MAGI3: variants seen among roughly 807,000 people sequenced by gnomAD.
The protein encoded by MAGI3 is membrane-associated guanylate kinase, WW and PDZ domain-containing protein 3.
A neutral mutation model predicts 121.8 loss-of-function variants in MAGI3; 43 were observed. The ratio of observed to expected loss-of-function variants is 0.35; its 90% CI spans 0.28 to 0.46. The LOEUF (loss-of-function observed/expected upper bound fraction) is 0.46. MAGI3 is among the 20% of genes least tolerant of loss of function. The pLI is 1.00. For missense variants in MAGI3, 1,547 were observed against 1,797.3 expected, an observed-to-expected ratio of 0.86 and a Z score of 2.52; for synonymous variants, 553 against 639.3, an observed-to-expected ratio of 0.86 and a Z score of 2.04.
chr1:113,615,864 AAAGG>A, intron 7 of MAGI3, among the ~76,000 whole-genome samples: 1 of 152,300 alleles, frequency 6.6e-6, no homozygotes, highest in Non-Finnish European at 1.5e-5. Flanking sequence ...TTATTTTGTT[AAAGG>A]AAGAAACAAC....
intron 1 of MAGI3, among the ~76,000 whole-genome samples, chr1:113,461,774 G>T (rs1232270228): frequency 6.6e-6 from 1 of 152,112 alleles, no homozygotes; most frequent in East Asian, 1.9e-4. Context: ...ACTATCAACA[G>T]AATAAACAGC....
chr1:113,401,585 A>G (rs1195955771), intron 1 of MAGI3, among the ~76,000 whole-genome samples: 1 of 152,222 alleles, frequency 6.6e-6, no homozygotes, highest in Non-Finnish European at 1.5e-5. Flanking sequence ...GGATAAATAT[A>G]CTTGGGAAAA....
At chr1:113,552,222 T>A (rs1659816319) in intron 2 of MAGI3, among the ~76,000 whole-genome samples, 1 of 152,200 alleles carries the variant, frequency 6.6e-6, no homozygotes, top group Non-Finnish European at 1.5e-5. Context: ...TTTTCACTAA[T>A]TGTAGTTGTC....
At chr1:113,440,499 C>A (rs1207658061) in intron 1 of MAGI3, among the ~76,000 whole-genome samples, 1 of 152,110 alleles carries the variant, frequency 6.6e-6, no homozygotes, top group Non-Finnish European at 1.5e-5. Flanking sequence ...AAAACCCTTT[C>A]CAGATGTTTC....
chr1:113,496,578 CTTGT>C (rs994018344), intron 1 of MAGI3, among the ~76,000 whole-genome samples: 31 of 152,166 alleles, frequency 2.0e-4, no homozygotes, highest in Admixed American at 5.2e-4. Context: ...TAATCAGTTT[CTTGT>C]TTGTTTATCT....
intron 8 of MAGI3, among the ~76,000 whole-genome samples, chr1:113,621,275 G>A (rs939777695): frequency 2.0e-5 from 3 of 152,174 alleles, no homozygotes; most frequent in Admixed American, 6.5e-5. Context: ...AGTAACAAGC[G>A]ATGAGGTTGT....
In MAGI3 at chr1:113,559,509, G is replaced by A. The variant is rs572477344; in HGVS notation, c.433+9878G>A. 9.2e-5 allele frequency among the ~76,000 whole-genome samples: 14 copies of A among 152,118 alleles called. No homozygotes were observed. The East Asian group carries it at 2.5e-3, about 27-fold the overall frequency. ...TAAAGGGTTCAATTCAACAATAAGA[G>A]CCAACTACCCTAAATATATATGCTC... On this transcript the variant is annotated intron_variant, in intron 2 of 20. Transcript: ENST00000307546.
intron 1 of MAGI3, among the ~76,000 whole-genome samples, chr1:113,488,250 C>T (rs1441703984): frequency 6.6e-6 from 1 of 152,186 alleles, no homozygotes; most frequent in Non-Finnish European, 1.5e-5. Flanking sequence ...ATGTGGATCC[C>T]AAAGGGTTTG....
intron 9 of MAGI3, among the ~76,000 whole-genome samples, chr1:113,630,332 C>T (rs1651546513): frequency 6.6e-6 from 1 of 152,106 alleles, no homozygotes; most frequent in Non-Finnish European, 1.5e-5. Context: ...GCTGTCAGGC[C>T]TGGGACTCAC....
At position 113,576,384 on chromosome 1, in the gene MAGI3, C is replaced by T. The variant is rs910608230; in HGVS notation, c.434-4158C>T. Among the ~76,000 whole-genome samples the T allele has an allele frequency of 4.6e-5, 7 of 152,132 alleles. No homozygotes were observed. In the South Asian group the frequency reaches 1.4e-3, roughly 31 times the overall value. On this transcript the variant is annotated intron_variant, in intron 2 of 20. Coordinates refer to ENST00000307546, the MANE Select transcript of MAGI3 (RefSeq NM_001142782.2). ...AGTATTTGGGCCAGGTAGCACAGTC[C>T]CTCATGGCTTCCCTTGGTTAGGGGA...
At chr1:113,644,619 T>C (rs1417534766) in intron 11 of MAGI3, among the ~76,000 whole-genome samples, 1 of 152,214 alleles carries the variant, frequency 6.6e-6, no homozygotes, top group Non-Finnish European at 1.5e-5. Context: ...TGGCCTTCTA[T>C]GCTAAATTTG....
At chr1:113,678,163 G>A (rs1289333009) in intron 19 of MAGI3, among the ~76,000 whole-genome samples, 2 of 152,066 alleles carry the variant, frequency 1.3e-5, no homozygotes, top group Non-Finnish European at 2.9e-5. Context: ...AGTGTTCTGG[G>A]TTGGAGAGCT....
chr1:113,559,630 C>T (rs571104639), intron 2 of MAGI3, among the ~76,000 whole-genome samples: 5 of 151,268 alleles, frequency 3.3e-5, no homozygotes, highest in African/African-American at 4.9e-5. Flanking sequence ...TGCAGTGGTG[C>T]GATCTTGGCT....
chr1:113,608,508 A>G (rs1324862274), intron 6 of MAGI3, among the ~76,000 whole-genome samples: 1 of 152,064 alleles, frequency 6.6e-6, no homozygotes, highest in Non-Finnish European at 1.5e-5. Context: ...CAGGAGGGAG[A>G]CATGAGTACT....
In MAGI3 at chr1:113,594,520, T is replaced by C. The variant is rs1163620593; in HGVS notation, c.978T>C (p.Leu326=). 6.2e-7 allele frequency: 1 copy of C among 1,613,590 alleles called. No individual in the cohort carries two copies. The highest frequency in any genetic ancestry group is 1.7e-5 in the Admixed American group (1 of 59,964). Residue 326 remains leucine (L), a synonymous_variant, in exon 6 of 21, where the codon CTT becomes CTC. Transcript: ENST00000307546. ...TKTTTWLDPR[L]CKKAKAPEDC... ...CAACCACCTGGTTGGATCCTCGTCTTTGTAAGAAAGCCAAAGCCCCTGAAG... is the reference window on the plus strand; with the variant it reads ...CAACCACCTGGTTGGATCCTCGTCTCTGTAAGAAAGCCAAAGCCCCTGAAG...
At chr1:113,595,355 G>C (rs1274885669) in intron 6 of MAGI3, among the ~76,000 whole-genome samples, 1 of 152,114 alleles carries the variant, frequency 6.6e-6, no homozygotes, top group Non-Finnish European at 1.5e-5. Context: ...TTGTAAATAA[G>C]TATAGAATTT....
At chr1:113,508,976 G>C (rs1425016980) in intron 1 of MAGI3, among the ~76,000 whole-genome samples, 1 of 152,072 alleles carries the variant, frequency 6.6e-6, no homozygotes, top group Non-Finnish European at 1.5e-5. Flanking sequence ...ATTATACAAA[G>C]TGAGTAAATG....
chr1:113,456,138 T>C (rs1207988700), intron 1 of MAGI3, among the ~76,000 whole-genome samples: 1 of 146,226 alleles, frequency 6.8e-6, no homozygotes. Context: ...TTTTTTTTTT[T>C]GTATTTTTAG....
intron 9 of MAGI3, among the ~76,000 whole-genome samples, chr1:113,627,435 G>T (rs886637663): frequency 6.6e-6 from 1 of 151,584 alleles, no homozygotes; most frequent in African/African-American, 2.4e-5. Context: ...ATATCTATTA[G>T]GTCCATGTAG....
Sources: gnomAD v4.1 joint callset for allele counts (sites outside exome capture counted in the v4.1 genomes callset) on GRCh38, gnomAD v4.1.1 for gene constraint, MANE v1.5 for transcripts, NCBI Gene and HGNC (gene_info 2026-07-23, HGNC 2026-07-21) for gene names.